STXBP3: variants seen among roughly 807,000 people sequenced by gnomAD.
STXBP3 encodes the protein syntaxin-binding protein 3.
A neutral mutation model predicts 85.7 loss-of-function variants in STXBP3; 41 were observed. That is an observed-to-expected ratio of 0.48 (90% CI 0.37 to 0.62). The LOEUF (loss-of-function observed/expected upper bound fraction) is 0.62. STXBP3 is among the 20% of genes least tolerant of loss of function. The pLI is 0.00. For missense variants in STXBP3, 563 were observed against 703.1 expected, an observed-to-expected ratio of 0.80 and a Z score of 2.25; for synonymous variants, 229 against 231.7, an observed-to-expected ratio of 0.99 and a Z score of 0.10.
chr1:108,803,614 G>A (rs895112860), intron 17 of STXBP3, among the ~76,000 whole-genome samples: 2 of 152,108 alleles, frequency 1.3e-5, no homozygotes, highest in African/African-American at 4.8e-5. Flanking sequence ...TCAGCCTCCT[G>A]ACTAGCTGGG....
intron 4 of STXBP3, among the ~76,000 whole-genome samples, chr1:108,758,181 C>A (rs1020848790): frequency 6.6e-6 from 1 of 151,584 alleles, no homozygotes; most frequent in Non-Finnish European, 1.5e-5. Flanking sequence ...CTGTTATATT[C>A]CAATAGTCTT....
intron 7 of STXBP3, 42 bp from the exon 8 acceptor site, chr1:108,776,291 C>A: frequency 7.1e-7 from 1 of 1,404,776 alleles, no homozygotes; most frequent in Non-Finnish European, 9.8e-7. Flanking sequence ...AAAGTATACA[C>A]TGAAAGAAAG....
intron 9 of STXBP3, chr1:108,779,968 A>G (rs989539559): frequency 2.0e-5 from 3 of 152,172 alleles, no homozygotes; most frequent in African/African-American, 7.2e-5. Context: ...GAAAAATGAA[A>G]TAGTTTTCTA....
At chr1:108,747,956 G>A (rs895374205) in intron 1 of STXBP3, among the ~76,000 whole-genome samples, 5 of 152,146 alleles carry the variant, frequency 3.3e-5, no homozygotes, top group African/African-American at 1.2e-4. Flanking sequence ...AAATTGTGTT[G>A]TATAATTTCC....
chr1:108,795,868 G>T (rs1663078948), intron 13 of STXBP3, among the ~76,000 whole-genome samples: 1 of 152,042 alleles, frequency 6.6e-6, no homozygotes, highest in African/African-American at 2.4e-5. Flanking sequence ...TTGTGTGTTT[G>T]TTTTTTGTTT....
chr1:108,804,014 G>A (rs1443357974), intron 17 of STXBP3, among the ~76,000 whole-genome samples: 1 of 151,826 alleles, frequency 6.6e-6, no homozygotes, highest in East Asian at 1.9e-4. Flanking sequence ...TTTTGTCCTC[G>A]GTTCTGTATA....
At chr1:108,803,734 C>T (rs543215970) in intron 17 of STXBP3, among the ~76,000 whole-genome samples, 71 of 152,308 alleles carry the variant, frequency 4.7e-4, no homozygotes, top group African/African-American at 1.0e-3. Flanking sequence ...GATCTACGCA[C>T]CTCGGCCTCC....
chr1:108,782,755 AGTTT>A, intron 11 of STXBP3, 49 bp downstream of exon 11: 1 of 1,490,134 alleles, frequency 6.7e-7, no homozygotes, highest in African/African-American at 1.4e-5. Context: ...TGAATTTTAA[AGTTT>A]GTTTAAAATC....
rs1183738175 is a variant in STXBP3, at chr1:108,797,351, C to CA, written c.1356+635dup. ...TGAGACTCTGTCTCAAAAAAAAAAA[C>CA]AAAAAAAAAAGGCTCAAAGTCAAAT... is the stretch of plus-strand genomic sequence containing the variant. On this transcript the variant is annotated intron_variant, in intron 15 of 18. Coordinates refer to ENST00000370008, the MANE Select transcript of STXBP3 (RefSeq NM_007269.4). Among the ~76,000 whole-genome samples, 59 of 125,882 alleles carry CA rather than the reference C, an allele frequency of 4.7e-4. 1 individual carries two copies. The highest frequency in any genetic ancestry group is 1.4e-3 in the African/African-American group (46 of 32,766). The allele number at this position is 125,882 out of a possible 152,430, so 82.6% of individuals were successfully genotyped here.
chr1:108,752,318 A>C lies in STXBP3; in HGVS notation c.99+12A>C. 1 of 1,610,462 alleles carries C rather than the reference A, an allele frequency of 6.2e-7. No homozygotes were observed. Among genetic ancestry groups the C allele is most frequent in the African/African-American group, 1.3e-5 (1 of 74,950 alleles). The stretch of plus-strand genomic sequence containing the variant: ...AAGGCGAATGGAAGGTAGAGTTTGC[A>C]TACCTTGCTCTTATAAAAAATAATA... On this transcript the variant is annotated intron_variant, in intron 2 of 18. Transcript: ENST00000370008.
chr1:108,807,674 T>TCAAC, intron 18 of STXBP3, 125 bp downstream of exon 18: 2 of 919,644 alleles, frequency 2.2e-6, no homozygotes, highest in Non-Finnish European at 1.6e-6. Context: ...CCTCCCAGGT[T>TCAAC]CAAGCGATTC....
chr1:108,798,152 A>G lies in STXBP3; in HGVS notation c.1364A>G (p.Gln455Arg). The change falls in exon 16 of 19, where the codon CAA becomes CGA. Residue 455 changes from glutamine to arginine, a missense_variant. Coordinates refer to ENST00000370008, the MANE Select transcript of STXBP3 (RefSeq NM_007269.4). ...LGVPIVPQSQ[Q>R]GKPLRKDRSA... ...TTCCTCTAATTGTATTAGTCTCAACAAGGCAAACCGTTAAGAAAGGATCGG... is the reference window on the plus strand; with the variant it reads ...TTCCTCTAATTGTATTAGTCTCAACGAGGCAAACCGTTAAGAAAGGATCGG... 6.2e-7 allele frequency: 1 copy of G among 1,608,742 alleles called. No homozygotes were observed. Among genetic ancestry groups the G allele is most frequent in the Non-Finnish European group, 8.5e-7 (1 of 1,178,266 alleles).
rs1661918768 is a variant in STXBP3, at chr1:108,752,155, A to G, written c.50-102A>G. 4 of 1,055,360 alleles carry G rather than the reference A, an allele frequency of 3.8e-6. No homozygotes were observed. In the South Asian group the frequency reaches 4.6e-5, roughly 12 times the overall value. The allele number at this position is 1,055,360 out of a possible 1,614,324, so 65.4% of individuals were successfully genotyped here. ...AATATGTATGCTTTTTATGTAGTTT[A>G]ACAAATTTCAAATTGGATTTTTCCT... is the stretch of plus-strand genomic sequence containing the variant. On this transcript the variant is annotated intron_variant, in intron 1 of 18. Coordinates refer to ENST00000370008, the MANE Select transcript of STXBP3 (RefSeq NM_007269.4).
chr1:108,796,553 C>A, intron 14 of STXBP3, 67 bp from the exon 15 acceptor site: 1 of 1,442,444 alleles, frequency 6.9e-7, no homozygotes, highest in Non-Finnish European at 9.6e-7. Context: ...ATGGGTACTA[C>A]CTAAAGCCTT....
chr1:108,787,831 C>G (rs1400880481), intron 11 of STXBP3, among the ~76,000 whole-genome samples: 2 of 151,492 alleles, frequency 1.3e-5, no homozygotes, highest in Non-Finnish European at 2.9e-5. Context: ...GTTCTGTCAC[C>G]CAGGCTGGAG....
At chr1:108,760,968 A>G (rs1295492800) in intron 6 of STXBP3, among the ~76,000 whole-genome samples, 2 of 152,076 alleles carry the variant, frequency 1.3e-5, no homozygotes, top group African/African-American at 4.8e-5. Context: ...CAATGGCGCA[A>G]TCTTGGCTCA....
intron 7 of STXBP3, among the ~76,000 whole-genome samples, chr1:108,773,816 AG>A (rs1212962240): frequency 6.6e-6 from 1 of 152,154 alleles, no homozygotes. Flanking sequence ...CCACACAGAC[AG>A]TGGCCTCAGC....
rs768196967 is a variant in STXBP3, at chr1:108,798,246, C to G, written c.1449+9C>G. The G allele has an allele frequency of 1.3e-6, 2 of 1,597,468 alleles. No individual in the cohort carries two copies. Among genetic ancestry groups the G allele is most frequent in the South Asian group, 2.2e-5 (2 of 89,912 alleles). ...TCAAAGATATTATGGAGGTAAAAAT[C>G]ATTAAAATGTTTTTTTCTACCTGAG... On this transcript the variant is annotated intron_variant, in intron 16 of 18. Coordinates refer to ENST00000370008, the MANE Select transcript of STXBP3 (RefSeq NM_007269.4).
chr1:108,778,138 A>C (rs1221867433), intron 8 of STXBP3, among the ~76,000 whole-genome samples: 1 of 152,128 alleles, frequency 6.6e-6, no homozygotes, highest in Non-Finnish European at 1.5e-5. Context: ...ACTGTCTCAA[A>C]ATTTAATTAA....
Sources: gnomAD v4.1 joint callset for allele counts (sites outside exome capture counted in the v4.1 genomes callset) on GRCh38, gnomAD v4.1.1 for gene constraint, MANE v1.5 for transcripts, NCBI Gene and HGNC (gene_info 2026-07-23, HGNC 2026-07-21) for gene names.